UBAP2: variants seen among roughly 807,000 people sequenced by gnomAD.
The protein encoded by UBAP2 is ubiquitin associated protein 2, also known as ubiquitin-associated protein 2.
Under a neutral mutation model 139.6 loss-of-function variants are expected in UBAP2, and 75 were observed. The observed-to-expected ratio is 0.54, with a 90% CI of 0.45 to 0.65. The LOEUF (loss-of-function observed/expected upper bound fraction) is 0.65. UBAP2 is among the 30% of genes least tolerant of loss of function. UBAP2 has a pLI of 0.00. For synonymous variants in UBAP2, 526 were observed against 526.2 expected (o/e 1.00, Z 0.01); for missense variants, 1,368 against 1,369.6 (o/e 1.00, Z 0.02).
chr9:33,998,095 G>A (rs377620358), intron 3 of UBAP2: 13 of 152,298 alleles, frequency 8.5e-5, no homozygotes, highest in African/African-American at 3.1e-4. Flanking sequence ...TCCAACAAGA[G>A]TATGAAATCA....
At chr9:34,036,281 T>A (rs1826359873) in intron 1 of UBAP2, among the ~76,000 whole-genome samples, 1 of 151,930 alleles carries the variant, frequency 6.6e-6, no homozygotes. Context: ...CATGCCCGGA[T>A]AATTTTTTAT....
At chr9:33,968,984 C>T (rs1469833921) in intron 8 of UBAP2, among the ~76,000 whole-genome samples, 1 of 152,200 alleles carries the variant, frequency 6.6e-6, no homozygotes, top group Non-Finnish European at 1.5e-5. Context: ...CAAGGTTCAT[C>T]CATGTTGTAG....
intron 6 of UBAP2, among the ~76,000 whole-genome samples, chr9:33,986,092 G>T (rs543765251): frequency 3.2e-4 from 49 of 151,404 alleles, no homozygotes; most frequent in African/African-American, 1.0e-3. Context: ...TTGCTCACTT[G>T]CCCAGGCTGG....
intron 5 of UBAP2, 26 bp from the exon 6 acceptor site, chr9:33,986,863 A>C (rs781114292): frequency 1.2e-6 from 2 of 1,604,020 alleles, no homozygotes; most frequent in East Asian, 4.5e-5. Context: ...CAGAAAAATC[A>C]AATTTCCATT....
At chr9:33,997,328 T>C (rs957535040) in intron 3 of UBAP2, 3 of 152,198 alleles carry the variant, frequency 2.0e-5, no homozygotes, top group Non-Finnish European at 2.9e-5. Flanking sequence ...TTAATATCTA[T>C]TGCATTTTAA....
chr9:33,944,882 G>T (rs1050046163), intron 13 of UBAP2, among the ~76,000 whole-genome samples: 1 of 152,132 alleles, frequency 6.6e-6, no homozygotes, highest in Admixed American at 6.5e-5. Context: ...TGATGAACTC[G>T]TGAGAACAAT....
At chr9:34,045,532 C>A (rs1827503449) in intron 1 of UBAP2, among the ~76,000 whole-genome samples, 1 of 151,950 alleles carries the variant, frequency 6.6e-6, no homozygotes, top group African/African-American at 2.4e-5. Flanking sequence ...CGCCACCACA[C>A]CAGGCTCATT....
At chr9:33,998,712 C>A in intron 3 of UBAP2, 75 bp downstream of exon 3, 2 of 1,404,838 alleles carry the variant, frequency 1.4e-6, no homozygotes, top group South Asian at 2.5e-5. Flanking sequence ...AAACAAAAAT[C>A]TTTACTGAAA....
intron 1 of UBAP2, among the ~76,000 whole-genome samples, chr9:34,032,666 G>A (rs892203021): frequency 6.6e-6 from 1 of 152,184 alleles, no homozygotes; most frequent in Admixed American, 6.5e-5. Flanking sequence ...GCTCATGCCT[G>A]TAATTCCAGC....
chr9:33,935,392 T>G (rs1824403647), intron 17 of UBAP2: 1 of 158,134 alleles, frequency 6.3e-6, no homozygotes, highest in African/African-American at 2.4e-5. Flanking sequence ...GCCTCCCAAG[T>G]AGCTGGGATT....
chr9:34,017,244 A>G, intron 1 of UBAP2, 55 bp from the exon 2 acceptor site: 1 of 753,412 alleles, frequency 1.3e-6, no homozygotes, highest in Non-Finnish European at 2.0e-6. Context: ...ATAAGCATGT[A>G]CTTCAGAGAA....
Position 33,927,043 on chromosome 9 carries a change from G to C in UBAP2, c.2409C>G (p.Pro803=), listed in dbSNP as rs1823500209. Residue 803 remains proline (P), a synonymous_variant, in exon 21 of 29, where the codon CCC becomes CCG. Transcript: ENST00000379238. ...CTACGAGGTACTGGTTGTGCAGCAG[G>C]GGAGGCACCCCCTGAGGTAAGTTTG... ...APPNLPQGVP[P]LLHNQYLVGP... is the part of the protein sequence containing the mutation. The C allele has an allele frequency of 1.1e-5, 18 of 1,613,804 alleles. No individual in the cohort carries two copies. The highest frequency in any genetic ancestry group is 1.5e-5 in the Non-Finnish European group (18 of 1,179,856).
At chr9:33,991,358 G>T (rs1013826230) in intron 4 of UBAP2, among the ~76,000 whole-genome samples, 1 of 152,072 alleles carries the variant, frequency 6.6e-6, no homozygotes, top group Non-Finnish European at 1.5e-5. Context: ...CAGACAAAAT[G>T]ATCAACAGCA....
chr9:33,952,707 C>T (rs562861210), intron 12 of UBAP2: 1 of 154,576 alleles, frequency 6.5e-6, no homozygotes, highest in East Asian at 1.9e-4. Flanking sequence ...GGGGTACTTT[C>T]AATCTCAAGA....
At chr9:34,026,937 T>C (rs983710886) in intron 1 of UBAP2, among the ~76,000 whole-genome samples, 1 of 152,166 alleles carries the variant, frequency 6.6e-6, no homozygotes, top group Admixed American at 6.6e-5. Flanking sequence ...TAACTATTGT[T>C]GGCATCACCT....
chr9:34,010,507 T>C (rs1052789228), intron 2 of UBAP2, among the ~76,000 whole-genome samples: 1 of 148,904 alleles, frequency 6.7e-6, no homozygotes, highest in Non-Finnish European at 1.5e-5. Context: ...TGATTAAGAG[T>C]ACCATTAATC....
At chr9:33,975,283 T>C (rs113462606) in intron 6 of UBAP2, among the ~76,000 whole-genome samples, 2 of 147,808 alleles carry the variant, frequency 1.4e-5, no homozygotes, top group Non-Finnish European at 3.0e-5. Flanking sequence ...AATGCAAAAA[T>C]TAGCCAGGCG....
intron 19 of UBAP2, among the ~76,000 whole-genome samples, chr9:33,930,660 G>C (rs1823892662): frequency 6.6e-6 from 1 of 152,148 alleles, no homozygotes; most frequent in Non-Finnish European, 1.5e-5. Context: ...CACTTTGGGA[G>C]GCCGAGGCGG....
At chr9:33,923,060 C>T in intron 26 of UBAP2, 27 bp from the exon 27 acceptor site, 3 of 1,613,978 alleles carry the variant, frequency 1.9e-6, no homozygotes, top group African/African-American at 1.3e-5. Context: ...TTGTTCCCCA[C>T]AGCAGTTGTT....
Sources: gnomAD v4.1 joint callset for allele counts (sites outside exome capture counted in the v4.1 genomes callset) on GRCh38, gnomAD v4.1.1 for gene constraint, MANE v1.5 for transcripts, NCBI Gene and HGNC (gene_info 2026-07-23, HGNC 2026-07-21) for gene names.